GALNT9: variants seen among roughly 807,000 people sequenced by gnomAD.
The protein encoded by GALNT9 is GalNAc transferase 9.
In GALNT9, 47 loss-of-function variants were observed where a neutral mutation model predicts 63.1. The ratio of observed to expected loss-of-function variants is 0.75; its 90% CI spans 0.59 to 0.95. The LOEUF (loss-of-function observed/expected upper bound fraction) is 0.95. Ranked by LOEUF, GALNT9 falls within the 40% of genes least tolerant of loss-of-function variation. GALNT9 has a pLI of 0.00. For missense variants in GALNT9, 829 were observed against 874.8 expected, an observed-to-expected ratio of 0.95 and a Z score of 0.66; for synonymous variants, 396 against 365.7, an observed-to-expected ratio of 1.08 and a Z score of -0.94.
At chr12:132,271,830 G>A (rs971527925) in intron 2 of GALNT9, among the ~76,000 whole-genome samples, 43 of 152,122 alleles carry the variant, frequency 2.8e-4, no homozygotes, top group Admixed American at 2.5e-3. Flanking sequence ...GTGGGAGGCC[G>A]TGGCTGCCAG....
At chr12:132,261,149 C>T in intron 3 of GALNT9, 27 bp from the exon 4 acceptor site, 1 of 1,543,288 alleles carries the variant, frequency 6.5e-7, no homozygotes, top group Admixed American at 2.1e-5. Context: ...CTTTAGCACG[C>T]TGGCAGGTGC....
chr12:132,205,353 G>A (rs7485291), intron 6 of GALNT9: 72,945 of 151,844 alleles, frequency 0.48, 18,384 homozygotes, highest in Non-Finnish European at 0.56. Flanking sequence ...CCGTATCGCC[G>A]ATCACTTACG....
intron 1 of GALNT9, among the ~76,000 whole-genome samples, chr12:132,324,805 G>A (rs1211241375): frequency 6.6e-6 from 1 of 151,832 alleles, no homozygotes; most frequent in Non-Finnish European, 1.5e-5. Context: ...CATGGTGCCC[G>A]GACTCCTGGC....
chr12:132,297,386 A>C lies in GALNT9; in HGVS notation c.239-10956T>G, dbSNP rs534555795. Among the ~76,000 whole-genome samples the C allele has an allele frequency of 2.0e-5, 3 of 151,748 alleles. No homozygotes were observed. The East Asian group carries it at 5.8e-4, about 30-fold the overall frequency. On this transcript the variant is annotated intron_variant, in intron 1 of 10. Transcript: ENST00000328957. ...CTCCCGAGATAACCAACTCACTCCC[A>C]TGATAACCAACTCACTCCTACAATA...
At chr12:132,300,454 G>C (rs1213782409) in intron 1 of GALNT9, among the ~76,000 whole-genome samples, 2 of 118,656 alleles carry the variant, frequency 1.7e-5, no homozygotes, top group Non-Finnish European at 3.5e-5. Flanking sequence ...CCAAGCCACT[G>C]CTGAGATAAC....
At chr12:132,219,210 A>G (rs954796568) in intron 6 of GALNT9, among the ~76,000 whole-genome samples, 8 of 152,104 alleles carry the variant, frequency 5.3e-5, no homozygotes, top group Admixed American at 1.3e-4. Flanking sequence ...ATGAGGATAC[A>G]GTTTAGGTCA....
intron 1 of GALNT9, among the ~76,000 whole-genome samples, chr12:132,311,842 T>A (rs188186230): frequency 2.2e-4 from 34 of 152,034 alleles, no homozygotes; most frequent in Admixed American, 4.6e-4. Context: ...TGGAGGGGAG[T>A]GTGGAAGCTA....
intron 6 of GALNT9, among the ~76,000 whole-genome samples, chr12:132,237,594 ACTGCTCACACCACACAC>A (rs2136895493): frequency 0.012 from 1,879 of 151,942 alleles, 40 homozygotes; most frequent in African/African-American, 0.043. Context: ...CCTGCCAGTA[ACTGCTCACACCACACAC>A]CTGCTCACAC....
At chr12:132,240,705 A>C (rs1199324830) in intron 6 of GALNT9, 6 of 455,696 alleles carry the variant, frequency 1.3e-5, no homozygotes, top group African/African-American at 1.0e-4. Context: ...AATTTACCTT[A>C]TCTTGCTGGA....
chr12:132,300,467 A>G (rs1555243739), intron 1 of GALNT9, among the ~76,000 whole-genome samples: 1 of 138,054 alleles, frequency 7.2e-6, no homozygotes, highest in African/African-American at 2.8e-5. Context: ...GAGATAACCC[A>G]CTCCCATAAC....
rs369144919 is a variant in GALNT9, at chr12:132,266,267, G to A, written c.420-3642C>T. 2.2e-4 allele frequency among the ~76,000 whole-genome samples: 34 copies of A among 152,366 alleles called. 2 individuals carry two copies. In the South Asian group the frequency reaches 6.8e-3, roughly 31 times the overall value. On this transcript the variant is annotated intron_variant, in intron 2 of 10. Transcript: ENST00000328957. Reference sequence around the variant, plus strand: ...ATGTGCATGCACAGCTCCCGAGAAAGGACTCCCCTCGAGCTAAGGGGCTGC... The same window carrying A: ...ATGTGCATGCACAGCTCCCGAGAAAAGACTCCCCTCGAGCTAAGGGGCTGC...
intron 1 of GALNT9, among the ~76,000 whole-genome samples, chr12:132,303,272 T>G (rs1881378986): frequency 1.3e-5 from 2 of 151,416 alleles, no homozygotes; most frequent in South Asian, 4.2e-4. Context: ...CCCGGGCACC[T>G]TGAGCAGCAC....
intron 1 of GALNT9, among the ~76,000 whole-genome samples, chr12:132,311,563 C>G (rs1326660263): frequency 1.3e-5 from 2 of 152,202 alleles, no homozygotes; most frequent in African/African-American, 4.8e-5. Flanking sequence ...TAACAAGGCA[C>G]ACAAGGGAAA....
rs1880392654 is a variant in GALNT9, at chr12:132,282,406, TGTGTGC to T, written c.419+3838_419+3843del. ...AAAACTAAAAATACGTGTGTGCGCGTGTGTGCGTGTGTGTGCGTGTGTGCGTGCATG... is the reference window on the plus strand; with the variant it reads ...AAAACTAAAAATACGTGTGTGCGCGTGTGTGTGTGCGTGTGTGCGTGCATG... On this transcript the variant is annotated intron_variant, in intron 2 of 10. Transcript: ENST00000328957. The surrounding 1 kb of genome is among the most constrained non-coding windows in gnomAD (Gnocchi z 4.5). Among the ~76,000 whole-genome samples the T allele has an allele frequency of 6.8e-6, 1 of 147,320 alleles. No individual in the cohort carries two copies. The highest frequency in any genetic ancestry group is 2.5e-5 in the African/African-American group (1 of 40,302).
At chr12:132,269,193 G>GGGGAGGCGTC (rs1306702401) in intron 2 of GALNT9, among the ~76,000 whole-genome samples, 32 of 152,166 alleles carry the variant, frequency 2.1e-4, no homozygotes, top group African/African-American at 7.7e-4. Flanking sequence ...GCTGAGGCAG[G>GGGGAGGCGTC]GGGAGGCGTC....
chr12:132,289,940 G>A (rs28693604), intron 1 of GALNT9, among the ~76,000 whole-genome samples: 23,262 of 152,206 alleles, frequency 0.15, 1,977 homozygotes, highest in East Asian at 0.22. Context: ...AGCACTGGGC[G>A]TGCACTGGGG....
At chr12:132,233,232 G>A (rs1877912555) in intron 6 of GALNT9, among the ~76,000 whole-genome samples, 1 of 19,556 alleles carries the variant, frequency 5.1e-5, no homozygotes, top group Non-Finnish European at 9.5e-5. Context: ...CCACACACTC[G>A]ATGGGGCGAC....
chr12:132,326,538 C>T (rs997691920), intron 1 of GALNT9, among the ~76,000 whole-genome samples: 1 of 152,198 alleles, frequency 6.6e-6, no homozygotes, highest in Non-Finnish European at 1.5e-5. Flanking sequence ...GGATTCTGGG[C>T]CCCTCCCCAC....
Position 132,279,190 on chromosome 12 carries a change from C to A in GALNT9, c.419+7060G>T, listed in dbSNP as rs896613249. 2 of 152,282 alleles carry A rather than the reference C, an allele frequency of 1.3e-5. No homozygotes were observed. The highest frequency in any genetic ancestry group is 2.9e-5 in the Non-Finnish European group (2 of 68,064). The allele number at this position is 152,282 out of a possible 1,614,324, so 9.4% of individuals were successfully genotyped here. A position where few individuals can be genotyped will look rare whatever the true frequency, so the allele number is the denominator to read the frequency against. ...CAGCTCCCTACAACGCGGATTTATTCTTATTTCCCACAGGGAAGGCCTAAC... is the reference window on the plus strand; with the variant it reads ...CAGCTCCCTACAACGCGGATTTATTATTATTTCCCACAGGGAAGGCCTAAC... On this transcript the variant is annotated intron_variant, in intron 2 of 10. Coordinates refer to ENST00000328957, the MANE Select transcript of GALNT9 (RefSeq NM_001122636.2). The surrounding 1 kb of genome is among the most constrained non-coding windows in gnomAD (Gnocchi z 4.1).
Sources: allele counts gnomAD v4.1 joint callset (sites outside exome capture counted in the v4.1 genomes callset), GRCh38; gene constraint gnomAD v4.1.1; non-coding constraint Gnocchi (gnomAD v3.1); transcripts MANE v1.5; gene names NCBI Gene and HGNC (gene_info 2026-07-23, HGNC 2026-07-21).